The following LNX1 variants were observed in gnomAD, a reference collection of about 807,000 sequenced individuals.
LNX1 encodes E3 ubiquitin-protein ligase LNX.
Under a neutral mutation model 68.4 loss-of-function variants are expected in LNX1, and 54 were observed. That is an observed-to-expected ratio of 0.79 (90% CI 0.63 to 0.99). LNX1 has a LOEUF of 0.99. Among genes scored for constraint, LNX1 ranks in the 50% least tolerant of loss-of-function variants. LNX1 has a pLI of 0.00. For synonymous variants in LNX1, 336 were observed against 350.0 expected (o/e 0.96, Z 0.45); for missense variants, 906 against 926.4 (o/e 0.98, Z 0.29).
intron 1 of LNX1, chr4:53,576,042 G>T (rs910783078): frequency 7.1e-5 from 111 of 1,565,872 alleles, no homozygotes; most frequent in Non-Finnish European, 9.2e-5. Flanking sequence ...ACACCTTCAG[G>T]GACCAGCTCC....
intron 2 of LNX1, among the ~76,000 whole-genome samples, chr4:53,614,708 T>C (rs1311520202): frequency 6.6e-6 from 1 of 152,248 alleles, no homozygotes; most frequent in Non-Finnish European, 1.5e-5. Context: ...ATACCTTTGG[T>C]CAGCCTACGC....
At chr4:53,546,460 G>A (rs1209683232) in intron 2 of LNX1, among the ~76,000 whole-genome samples, 5 of 152,132 alleles carry the variant, frequency 3.3e-5, no homozygotes, top group Admixed American at 1.3e-4. Context: ...TTAACCACTA[G>A]CTCCAATTTT....
At chr4:53,587,342 T>G (rs1732234845) in intron 1 of LNX1, among the ~76,000 whole-genome samples, 1 of 152,234 alleles carries the variant, frequency 6.6e-6, no homozygotes, top group African/African-American at 2.4e-5. Flanking sequence ...GTCAACCCTA[T>G]TCTTTGGGGA....
chr4:53,645,364 G>C (rs1467062462), intron 1 of LNX1, among the ~76,000 whole-genome samples: 1 of 152,090 alleles, frequency 6.6e-6, no homozygotes, highest in Non-Finnish European at 1.5e-5. Context: ...GAAGATATTT[G>C]GTCATTGCCT....
At chr4:53,621,206 T>A (rs1476876414), upstream of LNX1, among the ~76,000 whole-genome samples, 2 of 152,126 alleles carry the variant, frequency 1.3e-5, no homozygotes, top group Non-Finnish European at 2.9e-5. Context: ...CATATTCAAG[T>A]TTCAGAAGAC....
intron 1 of LNX1, among the ~76,000 whole-genome samples, chr4:53,631,057 C>T (rs879743415): frequency 1.3e-5 from 2 of 152,156 alleles, no homozygotes; most frequent in African/African-American, 2.4e-5. Context: ...GCCAAAAGTA[C>T]AGTTCTATGG....
chr4:53,513,452 T>A (rs1269304929), intron 2 of LNX1, among the ~76,000 whole-genome samples: 2 of 152,078 alleles, frequency 1.3e-5, no homozygotes, highest in South Asian at 2.1e-4. Flanking sequence ...GCTTCCCTGA[T>A]CCCTAGACTC....
intron 8 of LNX1, among the ~76,000 whole-genome samples, chr4:53,478,238 AC>A (rs1723690095): frequency 6.6e-6 from 1 of 152,180 alleles, no homozygotes; most frequent in Non-Finnish European, 1.5e-5. Context: ...CACCGGATCA[AC>A]CCACTAAAGA....
intron 1 of LNX1, among the ~76,000 whole-genome samples, chr4:53,646,585 A>G (rs2590773): frequency 0.85 from 129,579 of 152,264 alleles, 55,618 homozygotes; most frequent in African/African-American, 0.96. Flanking sequence ...TAGGACCAAC[A>G]TGGCCAGAGT....
At chr4:53,508,990 A>G (rs961025648) in intron 2 of LNX1, among the ~76,000 whole-genome samples, 7 of 152,248 alleles carry the variant, frequency 4.6e-5, no homozygotes, top group African/African-American at 7.2e-5. Flanking sequence ...TGAGAAAAGC[A>G]AGTTATTGGT....
chr4:53,615,396 A>G (rs1298308981), intron 2 of LNX1, among the ~76,000 whole-genome samples: 2 of 152,156 alleles, frequency 1.3e-5, no homozygotes, highest in East Asian at 3.9e-4. Context: ...GGTATTCAAG[A>G]GGCTTCGCAG....
At chr4:53,563,692 G>A (rs1315628461) in intron 2 of LNX1, among the ~76,000 whole-genome samples, 1 of 152,046 alleles carries the variant, frequency 6.6e-6, no homozygotes, top group Non-Finnish European at 1.5e-5. Flanking sequence ...CTGTCACCAC[G>A]CCTGGTTAAT....
At chr4:53,630,905 G>A (rs1409872856) in intron 1 of LNX1, among the ~76,000 whole-genome samples, 1 of 152,184 alleles carries the variant, frequency 6.6e-6, no homozygotes, top group Non-Finnish European at 1.5e-5. Flanking sequence ...TTTAGAATTT[G>A]GGAAGGGGAA....
intron 9 of LNX1, 93 bp downstream of exon 9, chr4:53,476,660 T>G (rs1723579429): frequency 2.0e-6 from 2 of 1,022,576 alleles, no homozygotes; most frequent in Non-Finnish European, 3.1e-6. Context: ...AAGATGCTAG[T>G]GCCATGAATC....
intron 2 of LNX1, among the ~76,000 whole-genome samples, chr4:53,521,497 TG>T (rs1727215623): frequency 1.3e-5 from 2 of 152,188 alleles, no homozygotes. Flanking sequence ...TGTTCTTCCT[TG>T]CTCGGGGTTT....
chr4:53,533,335 G>A (rs1279149302), intron 2 of LNX1, among the ~76,000 whole-genome samples: 1 of 152,188 alleles, frequency 6.6e-6, no homozygotes, highest in Non-Finnish European at 1.5e-5. Flanking sequence ...TTAGCAATTA[G>A]AATCCCTAAG....
chr4:53,497,027 A>G (rs12507563), intron 5 of LNX1, among the ~76,000 whole-genome samples: 62,514 of 152,096 alleles, frequency 0.41, 13,546 homozygotes, highest in South Asian at 0.59. Flanking sequence ...TTTTTTGCCC[A>G]TGTTCTCAGC....
intron 2 of LNX1, among the ~76,000 whole-genome samples, chr4:53,543,249 G>T (rs1431989270): frequency 1.3e-5 from 2 of 152,130 alleles, no homozygotes; most frequent in African/African-American, 4.8e-5. Flanking sequence ...TCTTGGCAAG[G>T]CCTGCTTATG....
chr4:53,512,019 T>C (rs1283400988), intron 2 of LNX1, among the ~76,000 whole-genome samples: 2 of 152,204 alleles, frequency 1.3e-5, no homozygotes, highest in African/African-American at 4.8e-5. Context: ...TTAGCAAACA[T>C]TGAGTCAACT....
Sources: allele counts gnomAD v4.1 joint callset (sites outside exome capture counted in the v4.1 genomes callset), GRCh38; gene constraint gnomAD v4.1.1; transcripts MANE v1.5; gene names NCBI Gene and HGNC (gene_info 2026-07-23, HGNC 2026-07-21).